The following LIPJ variants were observed in gnomAD, a reference collection of about 807,000 sequenced individuals.
LIPJ encodes the protein lipase member J.
A neutral mutation model predicts 39.8 loss-of-function variants in LIPJ; 33 were observed. That is an observed-to-expected ratio of 0.83 (90% CI 0.63 to 1.11). LIPJ has a LOEUF of 1.11. Among genes scored for constraint, LIPJ ranks in the 50% least tolerant of loss-of-function variants. The pLI, the probability that LIPJ is intolerant of heterozygous loss-of-function variation, is 0.00. For missense variants in LIPJ, 422 were observed against 427.9 expected, an observed-to-expected ratio of 0.99 and a Z score of 0.12; for synonymous variants, 128 against 139.2, an observed-to-expected ratio of 0.92 and a Z score of 0.57.
intron 2 of LIPJ, among the ~76,000 whole-genome samples, chr10:88,589,875 A>G (rs967639732): frequency 5.9e-5 from 9 of 151,792 alleles, no homozygotes; most frequent in African/African-American, 2.2e-4. Context: ...ACAGAGGTTA[A>G]GTAATCTGCT....
In LIPJ at chr10:88,594,090, G is replaced by A. The variant is rs1420223224; in HGVS notation, c.275G>A (p.Trp92Ter). 6.2e-7 allele frequency: 1 copy of A among 1,611,604 alleles called. No individual in the cohort carries two copies. The highest frequency in any genetic ancestry group is 8.5e-7 in the Non-Finnish European group (1 of 1,178,520). ...ATGGGAAATAGCAGAGGAAATACCT[G>A]GTCCAGGAAACACTTGTACCTAGAA... The change falls in exon 5 of 11, where the codon TGG becomes TAG. Residue 92 changes from tryptophan to a stop codon, truncating the protein, a stop_gained. Transcript: ENST00000371939. LOFTEE classifies it high-confidence loss of function.
At chr10:88,597,764 G>A (rs542702246) in intron 8 of LIPJ, among the ~76,000 whole-genome samples, 1 of 151,868 alleles carries the variant, frequency 6.6e-6, no homozygotes, top group African/African-American at 2.4e-5. Flanking sequence ...ATATGAGAAG[G>A]CAGAAAGGAT....
At chr10:88,587,768 A>G (rs1850956354) in intron 2 of LIPJ, among the ~76,000 whole-genome samples, 2 of 152,012 alleles carry the variant, frequency 1.3e-5, no homozygotes, top group East Asian at 3.9e-4. Flanking sequence ...GCATGGATGG[A>G]AAATTATGGC....
At chr10:88,600,206 A>G (rs1016519613) in intron 8 of LIPJ, among the ~76,000 whole-genome samples, 2 of 152,174 alleles carry the variant, frequency 1.3e-5, no homozygotes, top group African/African-American at 4.8e-5. Flanking sequence ...AATTTCTTTC[A>G]TCAAACTTAA....
rs1481245642 is a variant in LIPJ at position 88,594,628 on chromosome 10, G to T, written c.330-39G>T. 4.0e-6 allele frequency: 4 copies of T among 1,004,960 alleles called. No homozygotes were observed. In the South Asian group the frequency reaches 5.4e-5, roughly 14 times the overall value. The allele number at this position is 1,004,960 out of a possible 1,614,324, so 62.3% of individuals were successfully genotyped here. A position where few individuals can be genotyped will look rare whatever the true frequency, so the allele number is the denominator to read the frequency against. ...ATTTTCAAATACTAACATAACATTA[G>T]TAGAAAGTGCTATTTTTATTTTCCT... On this transcript the variant is annotated intron_variant, in intron 5 of 10. Coordinates refer to ENST00000371939, the Ensembl canonical transcript of LIPJ.
chr10:88,596,991 A>G (rs1851279153), intron 8 of LIPJ, 55 bp downstream of exon 8: 2 of 1,006,518 alleles, frequency 2.0e-6, no homozygotes, highest in Non-Finnish European at 3.0e-6. Context: ...GGAAAGTATA[A>G]TAATAATAGT....
intron 6 of LIPJ, among the ~76,000 whole-genome samples, chr10:88,594,990 T>A (rs1440715650): frequency 6.6e-6 from 1 of 151,690 alleles, no homozygotes; most frequent in Admixed American, 6.6e-5. Context: ...AAAGACAAGG[T>A]TGGTTGTGGT....
chr10:88,601,603 G>C (rs1300826974), intron 8 of LIPJ, among the ~76,000 whole-genome samples: 1 of 152,002 alleles, frequency 6.6e-6, no homozygotes, highest in Non-Finnish European at 1.5e-5. Flanking sequence ...ATGAAAGTTG[G>C]GATTAATGAA....
At chr10:88,603,727 T>G (rs1851570872) in intron 9 of LIPJ, among the ~76,000 whole-genome samples, 1 of 152,186 alleles carries the variant, frequency 6.6e-6, no homozygotes, top group African/African-American at 2.4e-5. Context: ...TACATTAAAG[T>G]TAATAAACAC....
exon 11 of LIPJ, chr10:88,606,760 A>G: frequency 1.2e-6 from 2 of 1,613,550 alleles, no homozygotes; most frequent in Non-Finnish European, 1.7e-6. Flanking sequence ...CTGACCCTGA[A>G]GACGTTAACA....
chr10:88,599,651 A>G (rs1687718343), intron 8 of LIPJ, among the ~76,000 whole-genome samples: 1 of 151,364 alleles, frequency 6.6e-6, no homozygotes. Flanking sequence ...GTATGTATGT[A>G]TATATATACA....
At chr10:88,598,922 T>C (rs1851350998) in intron 8 of LIPJ, among the ~76,000 whole-genome samples, 1 of 144,644 alleles carries the variant, frequency 6.9e-6, no homozygotes, top group African/African-American at 2.6e-5. Flanking sequence ...AATTTAATTA[T>C]ATTTAATAAT....
intron 9 of LIPJ, among the ~76,000 whole-genome samples, chr10:88,603,440 A>G (rs1364039178): frequency 2.0e-5 from 3 of 152,204 alleles, no homozygotes; most frequent in African/African-American, 7.2e-5. Flanking sequence ...TAGATACTCA[A>G]CTAATATTTG....
intron 4 of LIPJ, 128 bp downstream of exon 4, chr10:88,591,626 C>A: frequency 2.7e-6 from 2 of 729,564 alleles, no homozygotes; most frequent in Non-Finnish European, 2.1e-6. Flanking sequence ...TCCCATGTAT[C>A]TTCTCGCATG....
chr10:88,592,416 G>A (rs1342173171), intron 4 of LIPJ: 1 of 151,874 alleles, frequency 6.6e-6, no homozygotes, highest in African/African-American at 2.4e-5. Flanking sequence ...TAAAGGCAGA[G>A]CCTGAGAGAG....
chr10:88,596,111 A>G (rs1394825578), intron 6 of LIPJ, among the ~76,000 whole-genome samples, 169 bp from the exon 7 acceptor site: 4 of 151,600 alleles, frequency 2.6e-5, no homozygotes, highest in African/African-American at 9.7e-5. Context: ...TATGATCAAT[A>G]TAATGTTGTA....
downstream of LIPJ, among the ~76,000 whole-genome samples, chr10:88,609,392 A>C (rs1421372148): frequency 6.6e-6 from 1 of 152,220 alleles, no homozygotes; most frequent in East Asian, 1.9e-4. Context: ...TGTTAATATG[A>C]CTTAAACATT....
chr10:88,594,614 CTAACA>C (rs1851191390), intron 5 of LIPJ, 48 bp from the exon 6 acceptor site: 1 of 839,568 alleles, frequency 1.2e-6, no homozygotes, highest in African/African-American at 1.8e-5. Context: ...TTTTCAAATA[CTAACA>C]TAACATTAGT....
exon 2 of LIPJ, chr10:88,587,373 A>C (rs572315135): frequency 2.6e-5 from 4 of 152,268 alleles, no homozygotes; most frequent in Non-Finnish European, 4.4e-5. Context: ...TGGACACTTA[A>C]AATCAACAAA....
Sources: allele counts gnomAD v4.1 joint callset (sites outside exome capture counted in the v4.1 genomes callset), GRCh38; gene constraint gnomAD v4.1.1; transcripts MANE v1.5; gene names NCBI Gene and HGNC (gene_info 2026-07-23, HGNC 2026-07-21).